GALNTL6: variants seen among roughly 807,000 people sequenced by gnomAD.
The protein encoded by GALNTL6 is polypeptide N-acetylgalactosaminyltransferase like 6, also known as polypeptide N-acetylgalactosaminyltransferase-like 6.
A neutral mutation model predicts 73.7 loss-of-function variants in GALNTL6; 46 were observed. The observed-to-expected ratio is 0.62, with a 90% CI of 0.49 to 0.80. GALNTL6 has a LOEUF of 0.80. GALNTL6 is among the 30% of genes least tolerant of loss of function. The pLI, the probability that GALNTL6 is intolerant of heterozygous loss-of-function variation, is 0.00. For missense variants in GALNTL6, 604 were observed against 755.0 expected (o/e 0.80, Z 2.34); for synonymous variants, 259 against 263.7 (o/e 0.98, Z 0.17).
In GALNTL6 at chr4:172,173,510, C is replaced by T. The variant is rs975906201; in HGVS notation, c.139-56146C>T. Reference sequence around the variant, plus strand: ...GGCCACTCAGCTGAGCAACCTTCTGCGTGGGCCAACCTCCCCTGTCACATA... The same window carrying T: ...GGCCACTCAGCTGAGCAACCTTCTGTGTGGGCCAACCTCCCCTGTCACATA... On this transcript the variant is annotated intron_variant, in intron 2 of 12. Transcript: ENST00000506823. Among the ~76,000 whole-genome samples the T allele has an allele frequency of 7.9e-5, 12 of 152,264 alleles. No homozygotes were observed. The East Asian group carries it at 1.4e-3, about 17-fold the overall frequency.
At chr4:172,461,434 C>T (rs1732613376) in intron 5 of GALNTL6, among the ~76,000 whole-genome samples, 1 of 152,100 alleles carries the variant, frequency 6.6e-6, no homozygotes, top group Non-Finnish European at 1.5e-5. Flanking sequence ...AAATGTGCAG[C>T]TCAGGCAGGT....
intron 5 of GALNTL6, among the ~76,000 whole-genome samples, chr4:172,392,534 A>G (rs1331234049): frequency 6.6e-6 from 1 of 151,798 alleles, no homozygotes; most frequent in Non-Finnish European, 1.5e-5. Context: ...CGGTCTCCCA[A>G]AGTACTGGGA....
At chr4:172,961,739 A>G (rs903832994) in intron 10 of GALNTL6, among the ~76,000 whole-genome samples, 1 of 152,202 alleles carries the variant, frequency 6.6e-6, no homozygotes, top group Non-Finnish European at 1.5e-5. Context: ...GAGAATAAAG[A>G]GAGGCTGCTT....
At chr4:171,870,157 C>G (rs1736098268) in intron 2 of GALNTL6, among the ~76,000 whole-genome samples, 1 of 152,154 alleles carries the variant, frequency 6.6e-6, no homozygotes, top group South Asian at 2.1e-4. Flanking sequence ...TTGTAAATAG[C>G]TGCATTACCA....
chr4:172,200,459 G>A (rs921754019), intron 2 of GALNTL6, among the ~76,000 whole-genome samples: 5 of 152,154 alleles, frequency 3.3e-5, no homozygotes, highest in African/African-American at 9.6e-5. Flanking sequence ...GAATACAAAC[G>A]TCAGCAATAT....
chr4:171,951,725 GA>G (rs200794504), intron 2 of GALNTL6, among the ~76,000 whole-genome samples: 1 of 151,912 alleles, frequency 6.6e-6, no homozygotes, highest in African/African-American at 2.4e-5. Context: ...GAAATCTGCG[GA>G]AAAAATTGCT....
intron 2 of GALNTL6, among the ~76,000 whole-genome samples, chr4:172,174,177 G>A (rs761163820): frequency 2.0e-5 from 3 of 152,078 alleles, no homozygotes; most frequent in Non-Finnish European, 4.4e-5. Flanking sequence ...AACTCTGATC[G>A]CAGCAGTAGA....
intron 5 of GALNTL6, among the ~76,000 whole-genome samples, chr4:172,552,837 T>TAAAAAA (rs397933315): frequency 0.24 from 19,035 of 79,916 alleles, 2,857 homozygotes; most frequent in South Asian, 0.31. Flanking sequence ...GTAATTGCAG[T>TAAAAAA]AAAAAAAAAA....
intron 5 of GALNTL6, among the ~76,000 whole-genome samples, chr4:172,544,151 G>T (rs746950358): frequency 4.1e-4 from 62 of 152,184 alleles, no homozygotes; most frequent in Non-Finnish European, 7.3e-4. Flanking sequence ...CACAGGACCA[G>T]ATCCTGGTAT....
chr4:172,945,012 C>T (rs1441290678), intron 9 of GALNTL6, among the ~76,000 whole-genome samples: 1 of 148,028 alleles, frequency 6.8e-6, no homozygotes. Context: ...GAGCCAAGAT[C>T]ACACCATTGC....
intron 5 of GALNTL6, among the ~76,000 whole-genome samples, chr4:172,430,659 G>T (rs1309316261): frequency 1.3e-5 from 2 of 152,024 alleles, no homozygotes; most frequent in African/African-American, 4.8e-5. Context: ...AAATAAATTA[G>T]CTTGGCTTGG....
chr4:172,146,958 AAAATT>A (rs1274021649), intron 2 of GALNTL6, among the ~76,000 whole-genome samples: 1 of 152,240 alleles, frequency 6.6e-6, no homozygotes, highest in Non-Finnish European at 1.5e-5. Flanking sequence ...TATTAATAGA[AAAATT>A]AAGTATGTAT....
At chr4:172,166,688 TC>T (rs758998691) in intron 2 of GALNTL6, among the ~76,000 whole-genome samples, 3 of 152,222 alleles carry the variant, frequency 2.0e-5, no homozygotes, top group Non-Finnish European at 2.9e-5. Context: ...ATGTTGATCT[TC>T]CTTAAAATCT....
chr4:172,343,485 T>C (rs1168955757), intron 4 of GALNTL6, among the ~76,000 whole-genome samples: 1 of 152,180 alleles, frequency 6.6e-6, no homozygotes, highest in Non-Finnish European at 1.5e-5. Flanking sequence ...ATTTCAAGTA[T>C]TTGTAATTAA....
intron 5 of GALNTL6, among the ~76,000 whole-genome samples, chr4:172,700,674 C>T (rs1490500311): frequency 6.6e-6 from 1 of 152,174 alleles, no homozygotes; most frequent in South Asian, 2.1e-4. Flanking sequence ...ATCTCTTCAT[C>T]ACTTATTACT....
chr4:172,269,632 A>G (rs1738568214), intron 3 of GALNTL6, among the ~76,000 whole-genome samples: 1 of 152,232 alleles, frequency 6.6e-6, no homozygotes, highest in African/African-American at 2.4e-5. Context: ...TTTCCATTAT[A>G]GAGGAAGTCA....
intron 2 of GALNTL6, among the ~76,000 whole-genome samples, chr4:172,008,821 T>C (rs111262010): frequency 9.2e-5 from 14 of 152,244 alleles, no homozygotes; most frequent in Middle Eastern, 3.4e-3. Context: ...CAACCCAGTT[T>C]CAGCTTCAAC....
chr4:172,587,443 C>T (rs1482888556), intron 5 of GALNTL6, among the ~76,000 whole-genome samples: 1 of 152,172 alleles, frequency 6.6e-6, no homozygotes, highest in Non-Finnish European at 1.5e-5. Flanking sequence ...GATCATGTCA[C>T]CCCTTGTCGT....
At chr4:171,915,611 A>G (rs1212200956) in intron 2 of GALNTL6, among the ~76,000 whole-genome samples, 1 of 152,236 alleles carries the variant, frequency 6.6e-6, no homozygotes, top group East Asian at 1.9e-4. Flanking sequence ...CAAATGTATT[A>G]TTTTAGTATT....
Sources: allele counts gnomAD v4.1 joint callset (sites outside exome capture counted in the v4.1 genomes callset), GRCh38; gene constraint gnomAD v4.1.1; transcripts MANE v1.5; gene names NCBI Gene and HGNC (gene_info 2026-07-23, HGNC 2026-07-21).